Variants in GXYLT2 observed in about 807,000 individuals in gnomAD.
The protein encoded by GXYLT2 is glycosyltransferase 8 domain containing 4.
In GXYLT2, 53 loss-of-function variants were observed where a neutral mutation model predicts 45.8. The ratio of observed to expected loss-of-function variants is 1.16; its 90% confidence interval spans 0.93 to 1.46. The LOEUF is 1.46. Among genes scored for constraint, GXYLT2 ranks in the 40% most tolerant of loss-of-function variants. GXYLT2 has a pLI of 0.00. For missense variants in GXYLT2, 551 were observed against 544.4 expected (o/e 1.01, Z -0.12); for synonymous variants, 219 against 214.2 (o/e 1.02, Z -0.19).
At chr3:72,895,747 C>T (rs1008762426) in intron 1 of GXYLT2, among the ~76,000 whole-genome samples, 4 of 152,092 alleles carry the variant, frequency 2.6e-5, no homozygotes, top group Non-Finnish European at 2.9e-5. Flanking sequence ...TATGAAGTTC[C>T]GAAAACTCCT....
intron 1 of GXYLT2, among the ~76,000 whole-genome samples, chr3:72,902,741 A>G (rs77307690): frequency 0.17 from 14,440 of 86,916 alleles, 1,567 homozygotes; most frequent in African/African-American, 0.37. Flanking sequence ...ACTTCCAGGC[A>G]TGGTGGCTCA....
At chr3:72,928,900 G>T in intron 3 of GXYLT2, 1 of 691,968 alleles carries the variant, frequency 1.4e-6, no homozygotes, top group Non-Finnish European at 2.6e-6. Context: ...TGCTTGGACG[G>T]AACCCGGCGT....
At chr3:72,927,984 C>T (rs183955405) in intron 3 of GXYLT2, among the ~76,000 whole-genome samples, 9 of 152,292 alleles carry the variant, frequency 5.9e-5, no homozygotes, top group Admixed American at 5.9e-4. Flanking sequence ...GGGCTGATTC[C>T]AAGCACAGCT....
At chr3:72,938,310 A>G (rs1480696407) in intron 3 of GXYLT2, among the ~76,000 whole-genome samples, 1 of 152,214 alleles carries the variant, frequency 6.6e-6, no homozygotes, top group East Asian at 1.9e-4. Context: ...GGCTTTAACC[A>G]CTGCTTCAAA....
intron 5 of GXYLT2, among the ~76,000 whole-genome samples, chr3:72,961,659 C>CA (rs771569626): frequency 0.11 from 10,228 of 94,386 alleles, 1,002 homozygotes; most frequent in East Asian, 0.29. Context: ...GAATTCTTAG[C>CA]AAAAAAAAAA....
At chr3:72,955,524 AG>A (rs1405594378) in intron 4 of GXYLT2, among the ~76,000 whole-genome samples, 175 bp downstream of exon 4, 3 of 152,186 alleles carry the variant, frequency 2.0e-5, no homozygotes, top group Non-Finnish European at 2.9e-5. Context: ...ATTCAGGAAA[AG>A]CTCAGATGGC....
At chr3:72,888,876 A>T (rs561240533) in intron 1 of GXYLT2, among the ~76,000 whole-genome samples, 2 of 152,224 alleles carry the variant, frequency 1.3e-5, no homozygotes, top group African/African-American at 4.8e-5. Flanking sequence ...TCACTGGAGA[A>T]TTTTACCGAA....
chr3:72,904,482 G>A (rs1250464728), intron 1 of GXYLT2, among the ~76,000 whole-genome samples: 1 of 152,158 alleles, frequency 6.6e-6, no homozygotes, highest in Non-Finnish European at 1.5e-5. Flanking sequence ...CTGGCACCAG[G>A]AGAGGTTTTA....
chr3:72,925,084 C>T (rs1329661695), intron 3 of GXYLT2, among the ~76,000 whole-genome samples: 1 of 152,086 alleles, frequency 6.6e-6, no homozygotes, highest in Non-Finnish European at 1.5e-5. Context: ...GCAGAATAAA[C>T]CCTGGATGAA....
At chr3:72,912,095 C>G (rs1709641704) in intron 2 of GXYLT2, among the ~76,000 whole-genome samples, 1 of 149,804 alleles carries the variant, frequency 6.7e-6, no homozygotes, top group Non-Finnish European at 1.5e-5. Context: ...ACAGCATTCT[C>G]CGCCTCCTGG....
intron 3 of GXYLT2, among the ~76,000 whole-genome samples, chr3:72,941,381 C>T (rs1476993000): frequency 1.3e-5 from 2 of 152,060 alleles, no homozygotes; most frequent in Non-Finnish European, 2.9e-5. Flanking sequence ...TGTTGAGGGC[C>T]CTTTGCATTC....
intron 6 of GXYLT2, among the ~76,000 whole-genome samples, chr3:72,972,078 C>G (rs1203392862): frequency 1.3e-5 from 2 of 150,720 alleles, no homozygotes; most frequent in Non-Finnish European, 3.0e-5. Context: ...TTTTCTTTTT[C>G]TCCCTTCATC....
At chr3:72,915,361 G>GGT (rs1709719525) in intron 2 of GXYLT2, among the ~76,000 whole-genome samples, 1 of 122,890 alleles carries the variant, frequency 8.1e-6, no homozygotes, top group African/African-American at 3.2e-5. Flanking sequence ...TTTTGCGGGG[G>GGT]GGGGGGGGAT....
At chr3:72,973,056 T>C (rs1439316682) in intron 6 of GXYLT2, among the ~76,000 whole-genome samples, 1 of 150,922 alleles carries the variant, frequency 6.6e-6, no homozygotes, top group African/African-American at 2.4e-5. Context: ...TGATTGCCCC[T>C]CTGTACTCCA....
At chr3:72,908,604 A>T in intron 2 of GXYLT2, 45 bp downstream of exon 2, 1 of 1,362,830 alleles carries the variant, frequency 7.3e-7, no homozygotes. Context: ...AAGTACAAAC[A>T]GACTACATTT....
At chr3:72,911,089 C>T (rs1327112588) in intron 2 of GXYLT2, among the ~76,000 whole-genome samples, 2 of 151,944 alleles carry the variant, frequency 1.3e-5, no homozygotes, top group Admixed American at 6.6e-5. Flanking sequence ...GTCAGGAGTT[C>T]GAGACCAGCC....
intron 3 of GXYLT2, among the ~76,000 whole-genome samples, chr3:72,939,978 C>T (rs1462968217): frequency 6.6e-6 from 1 of 152,112 alleles, no homozygotes; most frequent in Non-Finnish European, 1.5e-5. Flanking sequence ...TGAGCCACTG[C>T]ACTCAGCCAG....
At chr3:72,968,199 C>A (rs555995994) in intron 6 of GXYLT2, among the ~76,000 whole-genome samples, 14 of 152,116 alleles carry the variant, frequency 9.2e-5, no homozygotes, top group Non-Finnish European at 2.9e-5. Context: ...GTCTCGAACT[C>A]CTGACCTCAA....
chr3:72,943,905 A>G (rs925886399), intron 3 of GXYLT2, among the ~76,000 whole-genome samples: 4 of 151,602 alleles, frequency 2.6e-5, no homozygotes, highest in African/African-American at 7.3e-5. Flanking sequence ...GCTAGTCTCA[A>G]ACTCCTGGGC....
Sources: allele counts gnomAD v4.1 joint callset (sites outside exome capture counted in the v4.1 genomes callset), GRCh38; gene constraint gnomAD v4.1.1; transcripts MANE v1.5; gene names NCBI Gene and HGNC (gene_info 2026-07-23, HGNC 2026-07-21).